C4orf50: variants seen among roughly 807,000 people sequenced by gnomAD.
The protein encoded by C4orf50 is chromosome 4 open reading frame 50, also known as uncharacterized protein C4orf50.
A neutral mutation model predicts 77.2 loss-of-function variants in C4orf50; 80 were observed. The observed-to-expected ratio is 1.04, with a 90% CI of 0.87 to 1.25. C4orf50 has a LOEUF of 1.25. C4orf50 is among the 50% of genes most tolerant of loss of function. The pLI, the probability that C4orf50 is intolerant of heterozygous loss-of-function variation, is 0.00. For synonymous variants in C4orf50, 532 were observed against 465.3 expected, an observed-to-expected ratio of 1.14 and a Z score of -1.84; for missense variants, 1,257 against 1,152.9, an observed-to-expected ratio of 1.09 and a Z score of -1.31.
intron 7 of C4orf50, among the ~76,000 whole-genome samples, chr4:5,933,859 A>G (rs1283964045): frequency 6.6e-6 from 1 of 152,088 alleles, no homozygotes; most frequent in Admixed American, 6.6e-5. Flanking sequence ...ATAAAAGCCA[A>G]TGTGGGGGTC....
chr4:6,013,479 C>A (rs1722562303), intron 23 of C4orf50, among the ~76,000 whole-genome samples: 1 of 152,166 alleles, frequency 6.6e-6, no homozygotes, highest in Non-Finnish European at 1.5e-5. Context: ...ACGAATTTCA[C>A]TTTGGCAGGG....
At chr4:5,987,699 G>A (rs1202670743) in intron 28 of C4orf50, among the ~76,000 whole-genome samples, 1 of 151,652 alleles carries the variant, frequency 6.6e-6, no homozygotes, top group African/African-American at 2.4e-5. Flanking sequence ...ATGGGAGAGA[G>A]AAATAGAGAT....
chr4:5,914,672 C>T (rs544680584), intron 7 of C4orf50, among the ~76,000 whole-genome samples: 16 of 152,138 alleles, frequency 1.1e-4, no homozygotes, highest in Admixed American at 2.0e-4. Flanking sequence ...GAAATGTGTG[C>T]GATGGTGCTT....
chr4:5,972,219 G>T (rs1719968866), intron 31 of C4orf50, among the ~76,000 whole-genome samples: 1 of 152,014 alleles, frequency 6.6e-6, no homozygotes. Context: ...TGGCCAGCAT[G>T]GTCTCGATCT....
chr4:5,992,725 G>T lies in C4orf50; in HGVS notation c.1221+78C>A, dbSNP rs1037552493. On this transcript the variant is annotated intron_variant, in intron 27 of 33. Coordinates refer to ENST00000531445, the Ensembl canonical transcript of C4orf50. The surrounding 1 kb of genome is among the most constrained non-coding windows in gnomAD (Gnocchi z 5.0). ...TTTACCCCTCCCACATCCTGCGTGT[G>T]GCCACATAGCCTGCATGAGGCAGGG... The T allele has an allele frequency of 5.0e-6, 2 of 398,730 alleles. No individual in the cohort carries two copies. Among genetic ancestry groups the T allele is most frequent in the Non-Finnish European group, 8.8e-6 (2 of 226,066 alleles). 24.7% of individuals were successfully genotyped at this position (398,730 alleles called of 1,614,324 possible). A position where few individuals can be genotyped will look rare whatever the true frequency, so the allele number is the denominator to read the frequency against.
At chr4:5,935,710 C>G (rs1489884095) in intron 7 of C4orf50, among the ~76,000 whole-genome samples, 2 of 142,492 alleles carry the variant, frequency 1.4e-5, no homozygotes, top group Non-Finnish European at 3.0e-5. Context: ...CACTTGAACC[C>G]GGGAGGTGGA....
At chr4:5,998,456 A>T (rs1721691996) in intron 25 of C4orf50, among the ~76,000 whole-genome samples, 1 of 152,226 alleles carries the variant, frequency 6.6e-6, no homozygotes, top group African/African-American at 2.4e-5. Context: ...GCAGTGAGCA[A>T]GGCTGCCTGC....
intron 25 of C4orf50, among the ~76,000 whole-genome samples, chr4:5,998,547 G>A (rs913533183): frequency 2.0e-5 from 3 of 152,180 alleles, no homozygotes; most frequent in African/African-American, 4.8e-5. Context: ...AGAGGCTGGC[G>A]GGATCATCCA....
chr4:6,003,759 GTGATA>G (rs1279378426), intron 25 of C4orf50, among the ~76,000 whole-genome samples: 1 of 47,402 alleles, frequency 2.1e-5, no homozygotes, highest in Admixed American at 2.6e-4. Flanking sequence ...TGGTGATGAT[GTGATA>G]GTGATGATGG....
At position 6,016,617 on chromosome 4, in the gene C4orf50, T is replaced by C. The variant is rs543784121; in HGVS notation, c.287+1528A>G. Among the ~76,000 whole-genome samples, 12 of 152,210 alleles carry C rather than the reference T, an allele frequency of 7.9e-5. No homozygotes were observed. In the East Asian group the frequency reaches 2.1e-3, roughly 27 times the overall value. ...TAGGTTGCTTCACTTAGTCACAGTT[T>C]CCAAGGGCCTATAGACAACGTTCAG... On this transcript the variant is annotated intron_variant, in intron 23 of 33. Transcript: ENST00000531445.
chr4:5,933,581 G>C (rs1717860782), intron 7 of C4orf50, among the ~76,000 whole-genome samples: 1 of 152,234 alleles, frequency 6.6e-6, no homozygotes, highest in African/African-American at 2.4e-5. Context: ...TCATCCCCAT[G>C]TCCCTGACAC....
At chr4:5,945,549 G>A (rs913096500) in intron 7 of C4orf50, among the ~76,000 whole-genome samples, 9 of 152,108 alleles carry the variant, frequency 5.9e-5, no homozygotes, top group South Asian at 2.1e-4. Flanking sequence ...AAAATGAGTC[G>A]CAGGGCCCTG....
chr4:5,934,157 G>A (rs1358713776), intron 7 of C4orf50, among the ~76,000 whole-genome samples: 1 of 152,072 alleles, frequency 6.6e-6, no homozygotes, highest in Non-Finnish European at 1.5e-5. Context: ...AAGAAGGGGT[G>A]AGCAGCTCAC....
chr4:5,926,314 G>A (rs1034969607), intron 7 of C4orf50, among the ~76,000 whole-genome samples: 1 of 152,140 alleles, frequency 6.6e-6, no homozygotes, highest in Non-Finnish European at 1.5e-5. Flanking sequence ...AAAATGGGAC[G>A]CTAGGTGAAA....
intron 7 of C4orf50, among the ~76,000 whole-genome samples, chr4:5,907,375 T>C (rs577130086): frequency 1.3e-5 from 2 of 152,282 alleles, no homozygotes; most frequent in Non-Finnish European, 2.9e-5. Flanking sequence ...ACAGGAATTA[T>C]AGATATCCAA....
At chr4:5,978,214 T>C (rs534577084) in intron 29 of C4orf50, among the ~76,000 whole-genome samples, 4 of 152,186 alleles carry the variant, frequency 2.6e-5, no homozygotes, top group Non-Finnish European at 5.9e-5. Flanking sequence ...ACACTGCTGG[T>C]GAGAACATAA....
At chr4:5,918,265 T>C (rs1046579240) in intron 7 of C4orf50, among the ~76,000 whole-genome samples, 3 of 152,136 alleles carry the variant, frequency 2.0e-5, no homozygotes, top group Non-Finnish European at 4.4e-5. Flanking sequence ...GGTAGCACAA[T>C]TCACACCTCA....
At chr4:5,913,240 C>T (rs1397244555) in intron 7 of C4orf50, among the ~76,000 whole-genome samples, 1 of 152,192 alleles carries the variant, frequency 6.6e-6, no homozygotes, top group African/African-American at 2.4e-5. Context: ...AGGAGATACT[C>T]AGAGGCCTTA....
intron 7 of C4orf50, among the ~76,000 whole-genome samples, chr4:5,931,877 G>C (rs987451156): frequency 7.2e-5 from 11 of 152,052 alleles, no homozygotes; most frequent in Admixed American, 7.2e-4. Flanking sequence ...TCTATTCATT[G>C]ATTCCAGAAA....
Sources: gnomAD v4.1 joint callset for allele counts (sites outside exome capture counted in the v4.1 genomes callset) on GRCh38, gnomAD v4.1.1 for gene constraint, Gnocchi (gnomAD v3.1) non-coding constraint, MANE v1.5 for transcripts, NCBI Gene and HGNC (gene_info 2026-07-23, HGNC 2026-07-21) for gene names.